ZDHHC17: variants seen among roughly 807,000 people sequenced by gnomAD.
ZDHHC17 encodes zDHHC palmitoyltransferase 17, also known as palmitoyltransferase ZDHHC17.
Under a neutral mutation model 90.3 loss-of-function variants are expected in ZDHHC17, and 40 were observed. The ratio of observed to expected loss-of-function variants is 0.44; its 90% CI spans 0.34 to 0.58. The LOEUF is 0.58. ZDHHC17 is among the 20% of genes least tolerant of loss of function. The pLI is 0.01. For missense variants in ZDHHC17, 614 were observed against 780.8 expected (o/e 0.79, Z 2.55); for synonymous variants, 235 against 252.4 (o/e 0.93, Z 0.65).
intron 1 of ZDHHC17, 157 bp downstream of exon 1, chr12:76,764,486 C>T (rs868140605): frequency 4.4e-6 from 3 of 682,924 alleles, no homozygotes; most frequent in South Asian, 2.0e-5. Context: ...CGGCTGCGAG[C>T]GGATAACGGG....
intron 8 of ZDHHC17, 92 bp from the exon 9 acceptor site, chr12:76,826,816 C>G: frequency 1.5e-6 from 2 of 1,294,936 alleles, no homozygotes; most frequent in South Asian, 1.8e-5. Context: ...GAATTTCACC[C>G]GCTGTTGCAT....
chr12:76,803,958 G>A (rs142990544), intron 2 of ZDHHC17, among the ~76,000 whole-genome samples: 71 of 152,268 alleles, frequency 4.7e-4, no homozygotes, highest in Non-Finnish European at 6.3e-4. Context: ...GCTTGCACTA[G>A]ACATGATACT....
intron 10 of ZDHHC17, chr12:76,840,367 A>T (rs1953418714): frequency 7.2e-6 from 1 of 139,468 alleles, no homozygotes. Context: ...TCCGAGACTG[A>T]GTCTCACTCT....
intron 1 of ZDHHC17, among the ~76,000 whole-genome samples, chr12:76,793,939 A>G (rs947885460): frequency 1.3e-5 from 2 of 152,086 alleles, no homozygotes; most frequent in Non-Finnish European, 2.9e-5. Flanking sequence ...AGGCTGGAGC[A>G]CAGTGGCGCG....
chr12:76,804,421 A>T (rs1403873099), intron 2 of ZDHHC17, among the ~76,000 whole-genome samples: 2 of 152,238 alleles, frequency 1.3e-5, no homozygotes, highest in African/African-American at 4.8e-5. Context: ...AAATGAAACT[A>T]AAAGAAGTAA....
intron 1 of ZDHHC17, among the ~76,000 whole-genome samples, chr12:76,769,855 A>T (rs1952473311): frequency 6.6e-6 from 1 of 152,082 alleles, no homozygotes; most frequent in Non-Finnish European, 1.5e-5. Context: ...TGACCAAAAA[A>T]TTGTTCTGGT....
At chr12:76,768,133 C>A (rs1238564826) in intron 1 of ZDHHC17, among the ~76,000 whole-genome samples, 2 of 152,166 alleles carry the variant, frequency 1.3e-5, no homozygotes, top group Non-Finnish European at 2.9e-5. Context: ...AAGGCCCTGG[C>A]ATATAGTGAA....
chr12:76,835,044 G>A (rs560750143), intron 10 of ZDHHC17, among the ~76,000 whole-genome samples: 29 of 142,698 alleles, frequency 2.0e-4, no homozygotes, highest in African/African-American at 6.5e-4. Context: ...TGAGTTCCGC[G>A]AAAAGCCTTA....
chr12:76,793,854 G>A (rs1277166355), intron 1 of ZDHHC17, among the ~76,000 whole-genome samples: 2 of 151,978 alleles, frequency 1.3e-5, no homozygotes, highest in Non-Finnish European at 2.9e-5. Context: ...ATTGCTTCTT[G>A]GTTTCCATTA....
intron 5 of ZDHHC17, among the ~76,000 whole-genome samples, chr12:76,810,300 CAT>C (rs1024387860): frequency 6.6e-6 from 1 of 151,986 alleles, no homozygotes. Context: ...AGAAAAACAT[CAT>C]ATTTTAAGTG....
At chr12:76,844,572 A>G (rs1953471967) in intron 12 of ZDHHC17, 1 of 152,150 alleles carries the variant, frequency 6.6e-6, no homozygotes, top group Admixed American at 6.6e-5. Context: ...GATTTTTGAC[A>G]GTGTTGCAGC....
chr12:76,793,917 A>G (rs1330551287), intron 1 of ZDHHC17, among the ~76,000 whole-genome samples: 1 of 152,010 alleles, frequency 6.6e-6, no homozygotes, highest in African/African-American at 2.4e-5. Context: ...ACAGAGTCTC[A>G]CTCTGTTGCC....
At chr12:76,777,899 A>G (rs1304958450) in intron 1 of ZDHHC17, among the ~76,000 whole-genome samples, 1 of 152,086 alleles carries the variant, frequency 6.6e-6, no homozygotes, top group African/African-American at 2.4e-5. Context: ...TAGAGCCCAG[A>G]GAGGTTAAGG....
chr12:76,799,822 A>G lies in ZDHHC17; in HGVS notation c.197+2285A>G, dbSNP rs148223722. 3.4e-3 allele frequency among the ~76,000 whole-genome samples: 525 copies of G among 152,322 alleles called. 2 individuals carry two copies. The highest frequency in any genetic ancestry group is 0.034 in the Middle Eastern group (10 of 294). On this transcript the variant is annotated intron_variant, in intron 2 of 16. Coordinates refer to ENST00000426126, the MANE Select transcript of ZDHHC17 (RefSeq NM_015336.4). ...TATCTAAATACAGGTTGAGTCCCTTATTCAAAATGCCTGGGACCAGAAGTG... is the reference window on the plus strand; with the variant it reads ...TATCTAAATACAGGTTGAGTCCCTTGTTCAAAATGCCTGGGACCAGAAGTG...
chr12:76,779,086 G>A (rs1449594174), intron 1 of ZDHHC17, among the ~76,000 whole-genome samples: 1 of 152,150 alleles, frequency 6.6e-6, no homozygotes, highest in Non-Finnish European at 1.5e-5. Context: ...TGAGGTACAG[G>A]GGTTAGAGCT....
At chr12:76,816,677 G>A (rs1953091404) in intron 7 of ZDHHC17, among the ~76,000 whole-genome samples, 1 of 151,956 alleles carries the variant, frequency 6.6e-6, no homozygotes, top group Admixed American at 6.6e-5. Flanking sequence ...CAAAAAGTAG[G>A]TTATCTCCTG....
chr12:76,845,925 C>G, intron 13 of ZDHHC17, 123 bp downstream of exon 13: 1 of 497,948 alleles, frequency 2.0e-6, no homozygotes, highest in Non-Finnish European at 3.5e-6. Context: ...TCTCAGTTAT[C>G]TTCTGGTTGA....
chr12:76,783,039 C>T (rs543398038), intron 1 of ZDHHC17, among the ~76,000 whole-genome samples: 444 of 152,188 alleles, frequency 2.9e-3, no homozygotes, highest in African/African-American at 0.01. Flanking sequence ...CAAGGGTTGA[C>T]GTTGAGGCCT....
intron 1 of ZDHHC17, among the ~76,000 whole-genome samples, chr12:76,777,636 T>C (rs368808318): frequency 1.3e-5 from 2 of 152,360 alleles, no homozygotes; most frequent in Admixed American, 6.5e-5. Flanking sequence ...TACATTCCAA[T>C]CAGCAGTATA....
Sources: gnomAD v4.1 joint callset for allele counts (sites outside exome capture counted in the v4.1 genomes callset) on GRCh38, gnomAD v4.1.1 for gene constraint, MANE v1.5 for transcripts, NCBI Gene and HGNC (gene_info 2026-07-23, HGNC 2026-07-21) for gene names.